Variants in JARID2 observed in about 807,000 individuals in gnomAD.
JARID2 encodes jumonji and AT-rich interaction domain containing 2, also known as protein Jumonji.
Under a neutral mutation model 125.6 loss-of-function variants are expected in JARID2, and 21 were observed. The observed-to-expected ratio is 0.17, with a 90% confidence interval of 0.12 to 0.24. JARID2 has a LOEUF of 0.24. JARID2 is among the 10% of genes least tolerant of loss of function. JARID2 has a pLI of 1.00. For missense variants in JARID2, 1,303 were observed against 1,639.6 expected, an observed-to-expected ratio of 0.79 and a Z score of 3.55; for synonymous variants, 736 against 661.6, an observed-to-expected ratio of 1.11 and a Z score of -1.73.
intron 2 of JARID2, among the ~76,000 whole-genome samples, chr6:15,386,945 G>A (rs1764809876): frequency 6.6e-6 from 1 of 152,214 alleles, no homozygotes; most frequent in East Asian, 1.9e-4. Flanking sequence ...CAGAGCAGAT[G>A]GGCTTTGGAG....
At chr6:15,448,166 C>G (rs1235956887) in intron 3 of JARID2, among the ~76,000 whole-genome samples, 1 of 152,208 alleles carries the variant, frequency 6.6e-6, no homozygotes, top group Non-Finnish European at 1.5e-5. Context: ...CTGGGTCTCA[C>G]AAATGTTTAA....
chr6:15,317,962 C>T (rs898160271), intron 1 of JARID2, among the ~76,000 whole-genome samples: 55 of 152,308 alleles, frequency 3.6e-4, no homozygotes, highest in Non-Finnish European at 7.3e-5. Context: ...TGAGGATGGA[C>T]AGTGAGGTAG....
At chr6:15,485,261 T>TGGG (rs1769813104) in intron 5 of JARID2, among the ~76,000 whole-genome samples, 1 of 152,210 alleles carries the variant, frequency 6.6e-6, no homozygotes, top group African/African-American at 2.4e-5. Context: ...TCACAACCGA[T>TGGG]AATCCAGATG....
At chr6:15,456,939 G>A (rs2299043) in intron 4 of JARID2, among the ~76,000 whole-genome samples, 36,556 of 136,922 alleles carry the variant, frequency 0.27, 4,816 homozygotes, top group East Asian at 0.41. Flanking sequence ...GGGAATATTG[G>A]CAGAAGAAAG....
rs1420873130 is a variant in JARID2 at position 15,398,432 on chromosome 6, T to A, written c.182-11792T>A. On this transcript the variant is annotated intron_variant, in intron 2 of 17. Coordinates refer to ENST00000341776, the MANE Select transcript of JARID2 (RefSeq NM_004973.4). ...GTAAGTTGTGTTGTTATTCCTAAAT[T>A]GAATCCATTTCTTAGTGTTATTCTT... Among the ~76,000 whole-genome samples, 3 of 152,362 alleles carry A rather than the reference T, an allele frequency of 2.0e-5. No homozygotes were observed. The East Asian group carries it at 5.8e-4, about 29-fold the overall frequency.
At chr6:15,308,054 T>A (rs1461949546) in intron 1 of JARID2, among the ~76,000 whole-genome samples, 1 of 152,188 alleles carries the variant, frequency 6.6e-6, no homozygotes, top group Non-Finnish European at 1.5e-5. Context: ...TTGGTAACGG[T>A]TCTTCCTCCT....
At position 15,496,918 on chromosome 6, in the gene JARID2, A is replaced by G. The variant is rs746052278; in HGVS notation, c.1693A>G (p.Lys565Glu). The G allele has an allele frequency of 1.2e-6, 2 of 1,602,818 alleles. No homozygotes were observed. The highest frequency in any genetic ancestry group is 2.2e-5 in the East Asian group (1 of 44,594). Residue 565 changes from lysine (K) to glutamate (E), a missense_variant, in exon 7 of 18, where the codon AAG becomes GAG. Coordinates refer to ENST00000341776, the MANE Select transcript of JARID2 (RefSeq NM_004973.4). ...GATCCCCGTCCTCAGGCCCTCCGCC[A>G]AGGAGTTCCACGATCCGCTCATCTA... is the stretch of plus-strand genomic sequence containing the variant. ...DEIPVLRPSA[K>E]EFHDPLIYIE...
At chr6:15,307,582 G>A (rs1486433763) in intron 1 of JARID2, among the ~76,000 whole-genome samples, 3 of 151,922 alleles carry the variant, frequency 2.0e-5, no homozygotes, top group South Asian at 2.1e-4. Context: ...CTTTGTTTTC[G>A]GGATGGGGTT....
At chr6:15,479,124 G>A (rs1267306216) in intron 5 of JARID2, among the ~76,000 whole-genome samples, 1 of 152,176 alleles carries the variant, frequency 6.6e-6, no homozygotes, top group Admixed American at 6.5e-5. Context: ...CCAACTGCCT[G>A]TTGCCCCGTA....
chr6:15,339,534 C>G (rs1480490462), intron 1 of JARID2, among the ~76,000 whole-genome samples: 1 of 151,024 alleles, frequency 6.6e-6, no homozygotes, highest in Non-Finnish European at 1.5e-5. Context: ...CCCCACCCGC[C>G]CTGCTTTTTT....
At chr6:15,344,106 T>G (rs1458759726) in intron 1 of JARID2, among the ~76,000 whole-genome samples, 2 of 5,422 alleles carry the variant, frequency 3.7e-4, no homozygotes, top group Admixed American at 2.7e-3. Flanking sequence ...ATGTAGTGAT[T>G]TTTTTTTTTT....
At chr6:15,348,099 GT>G (rs145622180) in intron 1 of JARID2, among the ~76,000 whole-genome samples, 3 of 146,328 alleles carry the variant, frequency 2.1e-5, no homozygotes, top group Admixed American at 6.8e-5. Flanking sequence ...GTTTTGTTCT[GT>G]TTTTTTTTTG....
At chr6:15,412,652 A>G (rs1431639788) in intron 3 of JARID2, among the ~76,000 whole-genome samples, 3 of 152,178 alleles carry the variant, frequency 2.0e-5, no homozygotes, top group Non-Finnish European at 4.4e-5. Flanking sequence ...GCATAAAATG[A>G]TAACTTAAAG....
intron 1 of JARID2, among the ~76,000 whole-genome samples, chr6:15,252,489 A>G (rs979588633): frequency 1.3e-5 from 2 of 152,098 alleles, no homozygotes; most frequent in African/African-American, 4.8e-5. Flanking sequence ...ATCAGTTTAA[A>G]GTAGTCCTAC....
chr6:15,446,183 T>G (rs952412346), intron 3 of JARID2, among the ~76,000 whole-genome samples: 3 of 152,204 alleles, frequency 2.0e-5, no homozygotes, highest in African/African-American at 7.2e-5. Context: ...TATAGCAGTA[T>G]AGTGTTCCTC....
chr6:15,447,177 G>C (rs1767710535), intron 3 of JARID2, among the ~76,000 whole-genome samples: 1 of 152,036 alleles, frequency 6.6e-6, no homozygotes, highest in Non-Finnish European at 1.5e-5. Context: ...CCAACCCTAT[G>C]TTGTACCATA....
chr6:15,513,254 G>A lies in JARID2; in HGVS notation c.3282G>A (p.Arg1094=), dbSNP rs774298838. 9.6e-6 allele frequency: 15 copies of A among 1,570,182 alleles called. No individual in the cohort carries two copies. The South Asian group carries it at 1.1e-4, about 12-fold the overall frequency. The part of the protein sequence containing the change: ...LLDELRDTEL[R]QRRQLFEAGL... Reference sequence around the variant, plus strand: ...TGTCTGGCAGGGATACAGAGCTGCGGCAGCGCAGGCAGCTGTTCGAGGCTG... The same window carrying A: ...TGTCTGGCAGGGATACAGAGCTGCGACAGCGCAGGCAGCTGTTCGAGGCTG... Residue 1094 remains arginine, a synonymous_variant, in exon 16 of 18, where the codon CGG becomes CGA. Transcript: ENST00000341776.
chr6:15,517,921 C>A (rs1009234418), intron 17 of JARID2, among the ~76,000 whole-genome samples: 1 of 152,206 alleles, frequency 6.6e-6, no homozygotes, highest in Admixed American at 6.5e-5. Context: ...GGTCATTGCA[C>A]ATTTGAGGCC....
chr6:15,450,799 C>A (rs1481177834), intron 3 of JARID2, among the ~76,000 whole-genome samples: 1 of 152,060 alleles, frequency 6.6e-6, no homozygotes, highest in South Asian at 2.1e-4. Flanking sequence ...AAAATATGTT[C>A]GTGTATTTAT....
Sources: allele counts gnomAD v4.1 joint callset (sites outside exome capture counted in the v4.1 genomes callset), GRCh38; gene constraint gnomAD v4.1.1; transcripts MANE v1.5; gene names NCBI Gene and HGNC (gene_info 2026-07-23, HGNC 2026-07-21).